Variants in CDK6 observed in about 807,000 individuals in gnomAD.
CDK6 encodes cyclin-dependent kinase 6.
Under a neutral mutation model 37.1 loss-of-function variants are expected in CDK6, and 6 were observed. The ratio of observed to expected loss-of-function variants is 0.16; its 90% CI spans 0.09 to 0.32. CDK6 has a LOEUF of 0.32. Ranked by LOEUF, CDK6 falls within the 10% of genes least tolerant of loss-of-function variation. The pLI is 1.00. For synonymous variants in CDK6, 160 were observed against 161.3 expected (o/e 0.99, Z 0.06); for missense variants, 224 against 418.9 (o/e 0.53, Z 4.06).
chr7:92,800,644 G>C (rs1029476664), intron 2 of CDK6, among the ~76,000 whole-genome samples: 2 of 152,134 alleles, frequency 1.3e-5, no homozygotes, highest in African/African-American at 2.4e-5. Flanking sequence ...TTGCATTCAG[G>C]GGGGGCTCAA....
At chr7:92,702,391 C>G (rs550442023) in intron 4 of CDK6, among the ~76,000 whole-genome samples, 1 of 151,474 alleles carries the variant, frequency 6.6e-6, no homozygotes, top group Non-Finnish European at 1.5e-5. Context: ...TACCACCATG[C>G]CCAGCTAATT....
chr7:92,806,150 A>C (rs1021290250), intron 2 of CDK6, among the ~76,000 whole-genome samples: 3 of 152,222 alleles, frequency 2.0e-5, no homozygotes, highest in African/African-American at 7.2e-5. Context: ...TTTTTAAAAA[A>C]TCTATCTTCT....
At chr7:92,695,730 T>C (rs1307833492) in intron 4 of CDK6, among the ~76,000 whole-genome samples, 1 of 152,202 alleles carries the variant, frequency 6.6e-6, no homozygotes, top group Admixed American at 6.5e-5. Context: ...ACGAGGTGGC[T>C]GGGAGCCAAT....
At position 92,833,046 on chromosome 7, in the gene CDK6, C is replaced by A. The variant is rs2116030682; in HGVS notation, c.233+45G>T. ...AGGATTCCCGGCTCGGCCCTCCCCGCGCGCGCGAGGCCCCAGATGGCGAGG... is the reference window on the plus strand; with the variant it reads ...AGGATTCCCGGCTCGGCCCTCCCCGAGCGCGCGAGGCCCCAGATGGCGAGG... On this transcript the variant is annotated intron_variant, in intron 2 of 7. Coordinates refer to ENST00000424848, the MANE Select transcript of CDK6 (RefSeq NM_001145306.2). This position sits in a 1 kb window ranked among gnomAD's most constrained non-coding sequence, Gnocchi z 6.1. 7.2e-7 allele frequency: 1 copy of A among 1,389,196 alleles called. No individual in the cohort carries two copies. Among genetic ancestry groups the A allele is most frequent in the Non-Finnish European group, 9.8e-7 (1 of 1,022,758 alleles). 86.1% of individuals were successfully genotyped at this position (1,389,196 alleles called of 1,614,324 possible). A position where few individuals can be genotyped will look rare whatever the true frequency, so the allele number is the denominator to read the frequency against.
intron 4 of CDK6, among the ~76,000 whole-genome samples, chr7:92,699,019 AG>A (rs1797783325): frequency 6.6e-6 from 1 of 152,200 alleles, no homozygotes; most frequent in Admixed American, 6.5e-5. Flanking sequence ...ATTCTCCAGG[AG>A]GACAATTCCA....
chr7:92,746,718 A>T lies in CDK6; in HGVS notation c.370-20925T>A, dbSNP rs979727138. On this transcript the variant is annotated intron_variant, in intron 3 of 7. Transcript: ENST00000424848. ...CAACAGTTGGTGTACGAGACTATCC[A>T]TTTCTTAACAGTCTCACCAACACCT... Among the ~76,000 whole-genome samples the T allele has an allele frequency of 2.0e-5, 3 of 152,092 alleles. No individual in the cohort carries two copies. The East Asian group carries it at 5.8e-4, about 29-fold the overall frequency.
chr7:92,764,378 G>A (rs1016411813), intron 3 of CDK6, among the ~76,000 whole-genome samples: 4 of 152,076 alleles, frequency 2.6e-5, no homozygotes, highest in African/African-American at 9.7e-5. Flanking sequence ...CTCAAGTGAT[G>A]CGTCCTCCTT....
chr7:92,615,621 A>C (rs1010252683), intron 7 of CDK6, among the ~76,000 whole-genome samples: 1 of 152,180 alleles, frequency 6.6e-6, no homozygotes, highest in Admixed American at 6.5e-5. Context: ...ACCGTAACTT[A>C]TTATCCTGCC....
chr7:92,664,224 G>T (rs903866421), intron 5 of CDK6, among the ~76,000 whole-genome samples: 7 of 152,138 alleles, frequency 4.6e-5, no homozygotes, highest in Non-Finnish European at 8.8e-5. Context: ...CAGAGTCTAG[G>T]AAAATATCCA....
At chr7:92,683,756 A>G (rs537300464) in intron 4 of CDK6, among the ~76,000 whole-genome samples, 7 of 152,312 alleles carry the variant, frequency 4.6e-5, no homozygotes, top group African/African-American at 1.7e-4. Context: ...TATTAAAGGA[A>G]AGACATAAAG....
At chr7:92,624,662 G>T (rs1198073926) in intron 5 of CDK6, among the ~76,000 whole-genome samples, 3 of 152,112 alleles carry the variant, frequency 2.0e-5, no homozygotes, top group African/African-American at 7.2e-5. Flanking sequence ...CGCTCTGAAA[G>T]ACATCTTGAC....
At chr7:92,803,424 G>A (rs1800640978) in intron 2 of CDK6, among the ~76,000 whole-genome samples, 1 of 152,308 alleles carries the variant, frequency 6.6e-6, no homozygotes, top group Middle Eastern at 3.4e-3. Flanking sequence ...ACAGCCAGGT[G>A]CAACCTTTGA....
chr7:92,750,119 T>C (rs201303092), intron 3 of CDK6, among the ~76,000 whole-genome samples: 4 of 152,180 alleles, frequency 2.6e-5, no homozygotes, highest in East Asian at 1.9e-4. Context: ...ATGTTTTAAA[T>C]ATAGGTCTTT....
intron 3 of CDK6, among the ~76,000 whole-genome samples, chr7:92,767,230 G>C (rs140578910): frequency 2.2e-3 from 334 of 152,226 alleles, no homozygotes; most frequent in South Asian, 3.7e-3. Context: ...GATATTTTCA[G>C]CTACTATAAG....
At chr7:92,731,690 T>C (rs951372288) in intron 3 of CDK6, among the ~76,000 whole-genome samples, 2 of 152,100 alleles carry the variant, frequency 1.3e-5, no homozygotes, top group African/African-American at 4.8e-5. Flanking sequence ...CCACTTTTTA[T>C]TCATTCCTGG....
intron 2 of CDK6, among the ~76,000 whole-genome samples, chr7:92,790,011 TC>T (rs1800242410): frequency 6.6e-6 from 1 of 152,116 alleles, no homozygotes; most frequent in Non-Finnish European, 1.5e-5. Flanking sequence ...GACAGTTATC[TC>T]CTTTATGGTC....
chr7:92,658,206 A>G (rs1796748407), intron 5 of CDK6, among the ~76,000 whole-genome samples: 1 of 152,192 alleles, frequency 6.6e-6, no homozygotes, highest in African/African-American at 2.4e-5. Context: ...AGCTAGCACA[A>G]TTTAAAAAAT....
In CDK6 at chr7:92,605,540, C is replaced by T. The variant is rs1795406428; in HGVS notation, c.*9600G>A. The T allele has an allele frequency of 8.6e-6, 2 of 233,012 alleles. No individual in the cohort carries two copies. The highest frequency in any genetic ancestry group is 1.7e-5 in the Non-Finnish European group (2 of 117,978). The allele number at this position is 233,012 out of a possible 1,614,324, so 14.4% of individuals were successfully genotyped here. A position where few individuals can be genotyped will look rare whatever the true frequency, so the allele number is the denominator to read the frequency against. On this transcript the variant is annotated 3_prime_UTR_variant, in exon 8 of 8. Coordinates refer to ENST00000424848, the MANE Select transcript of CDK6 (RefSeq NM_001145306.2). Reference sequence around the variant, plus strand: ...CATATTTACCCTACTTTTCTATTCTCCTCCTCAGATAGGAAGGGTATAGAT... The same window carrying T: ...CATATTTACCCTACTTTTCTATTCTTCTCCTCAGATAGGAAGGGTATAGAT...
intron 2 of CDK6, among the ~76,000 whole-genome samples, chr7:92,797,223 C>A (rs1303355373): frequency 6.6e-6 from 1 of 152,130 alleles, no homozygotes; most frequent in Non-Finnish European, 1.5e-5. Flanking sequence ...GGCTATCAGA[C>A]ATTAATCTCA....
Sources: allele counts gnomAD v4.1 joint callset (sites outside exome capture counted in the v4.1 genomes callset), GRCh38; gene constraint gnomAD v4.1.1; non-coding constraint Gnocchi (gnomAD v3.1); transcripts MANE v1.5; gene names NCBI Gene and HGNC (gene_info 2026-07-23, HGNC 2026-07-21).